Variants in TEX9 observed in about 807,000 individuals in gnomAD.
The protein encoded by TEX9 is testis expressed 9.
TEX9 carries 74 observed loss-of-function variants against 59.6 expected under a neutral mutation model. The observed-to-expected ratio is 1.24, with a 90% CI of 1.03 to 1.51. The LOEUF (loss-of-function observed/expected upper bound fraction) is 1.51. Among genes scored for constraint, TEX9 ranks in the 40% most tolerant of loss-of-function variants. The probability of loss-of-function intolerance (pLI) is 0.00; values close to 1 mark genes in which losing one functional copy is unlikely to be tolerated. For synonymous variants in TEX9, 186 were observed against 152.2 expected (o/e 1.22, Z -1.64); for missense variants, 522 against 447.8 (o/e 1.17, Z -1.49).
At chr15:56,400,930 T>C (rs2048735706) in intron 9 of TEX9, among the ~76,000 whole-genome samples, 2 of 152,140 alleles carry the variant, frequency 1.3e-5, no homozygotes, top group African/African-American at 4.8e-5. Context: ...AAGCAAATGC[T>C]GAGAGATTTT....
At chr15:56,250,352 G>C (rs1163901949) in intron 1 of TEX9, among the ~76,000 whole-genome samples, 5 of 152,186 alleles carry the variant, frequency 3.3e-5, no homozygotes, top group African/African-American at 1.2e-4. Context: ...GATGGAGCTA[G>C]AGTGTGAGTA....
At chr15:56,456,725 A>G in the TEX9 span, among the ~76,000 whole-genome samples, 2 of 152,186 alleles carry the variant, frequency 1.3e-5, no homozygotes, top group African/African-American at 4.8e-5. Flanking sequence ...AATAGTAAGA[A>G]GAATATTTAA....
intron 1 of TEX9, among the ~76,000 whole-genome samples, chr15:56,326,047 C>G (rs2682016): frequency 0.49 from 75,110 of 151,986 alleles, 20,016 homozygotes; most frequent in Non-Finnish European, 0.6. Flanking sequence ...ATGAGATAAA[C>G]TCAAGGATTA....
At chr15:56,285,782 T>G (rs1401419191) in intron 1 of TEX9, among the ~76,000 whole-genome samples, 1 of 152,216 alleles carries the variant, frequency 6.6e-6, no homozygotes, top group Non-Finnish European at 1.5e-5. Context: ...AATGACTACA[T>G]TTTTATGTTA....
chr15:56,244,472 T>C (rs1778938146), intron 1 of TEX9, among the ~76,000 whole-genome samples: 1 of 152,078 alleles, frequency 6.6e-6, no homozygotes, highest in African/African-American at 2.4e-5. Flanking sequence ...TCCATCCCCC[T>C]GCAAGAACTC....
At chr15:56,264,885 T>G (rs1329009372) in intron 1 of TEX9, among the ~76,000 whole-genome samples, 4 of 152,224 alleles carry the variant, frequency 2.6e-5, no homozygotes, top group Non-Finnish European at 5.9e-5. Flanking sequence ...GAATTGCCTT[T>G]GCAATTCTGT....
chr15:56,288,736 G>C (rs2045012000), intron 1 of TEX9, among the ~76,000 whole-genome samples: 1 of 152,026 alleles, frequency 6.6e-6, no homozygotes, highest in Non-Finnish European at 1.5e-5. Context: ...TATTGAATCT[G>C]ATTGGAGGCT....
chr15:56,302,609 A>G (rs1330203496), intron 1 of TEX9, among the ~76,000 whole-genome samples: 1 of 152,126 alleles, frequency 6.6e-6, no homozygotes, highest in Non-Finnish European at 1.5e-5. Context: ...AAAAAAAATC[A>G]CCTTCACAAA....
chr15:56,270,439 G>T (rs1344046993), intron 1 of TEX9, among the ~76,000 whole-genome samples: 1 of 152,120 alleles, frequency 6.6e-6, no homozygotes, highest in Non-Finnish European at 1.5e-5. Flanking sequence ...TTGGTTTAAA[G>T]TCTGTTTTAT....
intron 2 of TEX9, among the ~76,000 whole-genome samples, chr15:56,367,025 A>G (rs527787221): frequency 6.6e-6 from 1 of 152,306 alleles, no homozygotes; most frequent in Admixed American, 6.5e-5. Flanking sequence ...ATATAGTATT[A>G]AATACCTGGA....
intron 1 of TEX9, among the ~76,000 whole-genome samples, chr15:56,260,652 C>CT (rs2044244870): frequency 1.3e-5 from 2 of 151,730 alleles, no homozygotes; most frequent in Admixed American, 6.6e-5. Context: ...TTATTTAATA[C>CT]TTTGTTCTAA....
intron 1 of TEX9, among the ~76,000 whole-genome samples, chr15:56,246,249 G>A (rs1205961262): frequency 1.3e-5 from 2 of 152,208 alleles, no homozygotes; most frequent in African/African-American, 4.8e-5. Flanking sequence ...TGACCGGAGT[G>A]TGGTGGTAAA....
chr15:56,288,972 TCCC>T (rs1265957261), intron 1 of TEX9, among the ~76,000 whole-genome samples: 1 of 152,200 alleles, frequency 6.6e-6, no homozygotes, highest in African/African-American at 2.4e-5. Flanking sequence ...TTATTTCAGT[TCCC>T]TGATTCTTTC....
intron 1 of TEX9, among the ~76,000 whole-genome samples, chr15:56,341,678 T>C (rs2046374395): frequency 6.6e-6 from 1 of 152,148 alleles, no homozygotes; most frequent in South Asian, 2.1e-4. Flanking sequence ...TTGTGATCAT[T>C]TGAGCAGAAA....
At chr15:56,422,904 A>G (rs2050051222) in intron 10 of TEX9, among the ~76,000 whole-genome samples, 1 of 152,074 alleles carries the variant, frequency 6.6e-6, no homozygotes. Flanking sequence ...ATTATACCAT[A>G]TTTGTTTTTC....
At chr15:56,245,559 A>T in intron 1 of TEX9, among the ~76,000 whole-genome samples, 1 of 152,294 alleles carries the variant, frequency 6.6e-6, no homozygotes, top group South Asian at 2.1e-4. Flanking sequence ...GACCTAATTG[A>T]TAGACATGGT....
chr15:56,252,777 C>T (rs2044055769), intron 1 of TEX9, among the ~76,000 whole-genome samples: 1 of 152,084 alleles, frequency 6.6e-6, no homozygotes, highest in Non-Finnish European at 1.5e-5. Flanking sequence ...GGATCCAAAT[C>T]TCAGCTCTAC....
intron 1 of TEX9, among the ~76,000 whole-genome samples, chr15:56,269,916 A>G (rs551467208): frequency 2.6e-5 from 4 of 152,194 alleles, no homozygotes; most frequent in African/African-American, 4.8e-5. Context: ...TCGGCCTCCC[A>G]AAGTGCTGGG....
the TEX9 span, among the ~76,000 whole-genome samples, chr15:56,452,719 C>A: frequency 6.6e-6 from 1 of 152,076 alleles, no homozygotes; most frequent in Middle Eastern, 3.4e-3. Context: ...GCGGTTTCAC[C>A]GTGTTAGCCA....
Sources: allele counts gnomAD v4.1 joint callset (sites outside exome capture counted in the v4.1 genomes callset), GRCh38; gene constraint gnomAD v4.1.1; transcripts MANE v1.5; gene names NCBI Gene and HGNC (gene_info 2026-07-23, HGNC 2026-07-21).